PTH2R: variants seen among roughly 807,000 people sequenced by gnomAD.
PTH2R encodes parathyroid hormone 2 receptor.
A neutral mutation model predicts 60.3 loss-of-function variants in PTH2R; 59 were observed. The observed-to-expected ratio is 0.98, with a 90% confidence interval of 0.79 to 1.22. PTH2R has a LOEUF of 1.22. Among genes scored for constraint, PTH2R ranks in the 50% most tolerant of loss-of-function variants. The probability of loss-of-function intolerance (pLI) is 0.00; values close to 1 mark genes in which losing one functional copy is unlikely to be tolerated. For missense variants in PTH2R, 749 were observed against 682.6 expected (o/e 1.10, Z -1.08); for synonymous variants, 256 against 243.8 (o/e 1.05, Z -0.47).
At chr2:208,432,377 C>G (rs1701990692) in intron 2 of PTH2R, among the ~76,000 whole-genome samples, 1 of 152,064 alleles carries the variant, frequency 6.6e-6, no homozygotes, top group Admixed American at 6.6e-5. Context: ...GGTGTTTTAA[C>G]AACTATAGAA....
At chr2:208,408,740 A>AAAGAGAGAGAGAGAGAGAGAGAGAG in intron 1 of PTH2R, among the ~76,000 whole-genome samples, 1 of 123,356 alleles carries the variant, frequency 8.1e-6, no homozygotes, top group African/African-American at 3.9e-5. Context: ...GAGAGAGAGA[A>AAAGAGAGAGAGAGAGAGAGAGAGAG]AGAGAGAGAG....
intron 1 of PTH2R, among the ~76,000 whole-genome samples, chr2:208,415,039 A>G (rs1211223054): frequency 6.6e-6 from 1 of 152,210 alleles, no homozygotes; most frequent in African/African-American, 2.4e-5. Flanking sequence ...TAAACATGAT[A>G]TGGTGTCTTG....
At chr2:208,482,079 C>T (rs887336388) in intron 10 of PTH2R, among the ~76,000 whole-genome samples, 3 of 152,260 alleles carry the variant, frequency 2.0e-5, no homozygotes, top group Non-Finnish European at 2.9e-5. Context: ...CTCCAGTTAA[C>T]TATTTATTTC....
chr2:208,401,579 C>T (rs1701310232), intron 1 of PTH2R, among the ~76,000 whole-genome samples: 1 of 152,036 alleles, frequency 6.6e-6, no homozygotes, highest in African/African-American at 2.4e-5. Context: ...TCCTTTTCCT[C>T]CTCAGGGTTT....
intron 12 of PTH2R, 101 bp downstream of exon 12, chr2:208,490,781 A>T (rs1483733758): frequency 8.8e-7 from 1 of 1,134,056 alleles, no homozygotes; most frequent in African/African-American, 1.6e-5. Context: ...TCCAGGATGG[A>T]ATGGGTGAGG....
intron 1 of PTH2R, among the ~76,000 whole-genome samples, chr2:208,370,944 G>T (rs1316762856): frequency 6.6e-6 from 1 of 151,982 alleles, no homozygotes; most frequent in Non-Finnish European, 1.5e-5. Flanking sequence ...GAAGGTGAAG[G>T]GGGAGCATGC....
At chr2:208,436,692 CAG>C (rs1702081251) in intron 2 of PTH2R, among the ~76,000 whole-genome samples, 1 of 152,168 alleles carries the variant, frequency 6.6e-6, no homozygotes. Context: ...TCAGGGAACA[CAG>C]AGTGCACTGG....
intron 2 of PTH2R, among the ~76,000 whole-genome samples, chr2:208,432,078 A>G (rs1292341812): frequency 6.6e-6 from 1 of 152,212 alleles, no homozygotes; most frequent in African/African-American, 2.4e-5. Context: ...GAAATCTACT[A>G]ACAAAGAGAT....
intron 5 of PTH2R, 102 bp downstream of exon 5, chr2:208,442,563 T>A (rs1456887650): frequency 5.6e-6 from 5 of 885,120 alleles, no homozygotes. Context: ...TTTCCTCAAA[T>A]GCAAGTTTTT....
intron 1 of PTH2R, among the ~76,000 whole-genome samples, chr2:208,373,102 A>AAATG (rs1373914311): frequency 6.6e-6 from 1 of 152,078 alleles, no homozygotes; most frequent in Non-Finnish European, 1.5e-5. Context: ...ATAAATAAAT[A>AAATG]AATGAAAACT....
intron 8 of PTH2R, among the ~76,000 whole-genome samples, chr2:208,452,337 TAGTA>T (rs1467362689): frequency 1.1e-4 from 16 of 152,372 alleles, no homozygotes; most frequent in African/African-American, 3.8e-4. Context: ...AATGTACTGA[TAGTA>T]AGTGCTAAAT....
intron 7 of PTH2R, among the ~76,000 whole-genome samples, chr2:208,445,699 C>T (rs911807233): frequency 6.6e-6 from 1 of 152,084 alleles, no homozygotes; most frequent in Non-Finnish European, 1.5e-5. Flanking sequence ...TTTTTTTCCT[C>T]TCCAAAATAA....
At chr2:208,399,339 C>T (rs1193132748) in intron 1 of PTH2R, among the ~76,000 whole-genome samples, 1 of 152,150 alleles carries the variant, frequency 6.6e-6, no homozygotes, top group Non-Finnish European at 1.5e-5. Flanking sequence ...AGGACTGGCC[C>T]TTGGCTGGTT....
At chr2:208,435,666 G>T (rs1034984525) in intron 2 of PTH2R, among the ~76,000 whole-genome samples, 2 of 152,108 alleles carry the variant, frequency 1.3e-5, no homozygotes, top group Admixed American at 6.5e-5. Context: ...TGTCTGCAAG[G>T]AGCTGAATTC....
intron 1 of PTH2R, among the ~76,000 whole-genome samples, chr2:208,418,204 A>C (rs1701680640): frequency 6.6e-6 from 1 of 152,128 alleles, no homozygotes; most frequent in Non-Finnish European, 1.5e-5. Context: ...CCTATATGAC[A>C]AAAAAGAAAG....
In PTH2R at chr2:208,428,121, TAGA is replaced by T; in HGVS notation, c.76-77_76-75del. The T allele has an allele frequency of 3.9e-6, 4 of 1,037,154 alleles. No individual in the cohort carries two copies. The South Asian group carries it at 6.1e-5, about 16-fold the overall frequency. 64.2% of individuals were successfully genotyped at this position (1,037,154 alleles called of 1,614,324 possible). On this transcript the variant is annotated intron_variant, in intron 1 of 12. Coordinates refer to ENST00000272847, the MANE Select transcript of PTH2R (RefSeq NM_005048.4). ...ATATCAAACTCATTTTCAATTAGATTAGAAGGTGAAATAATGAAAGCTTGTATC... is the reference window on the plus strand; with the variant it reads ...ATATCAAACTCATTTTCAATTAGATTAGGTGAAATAATGAAAGCTTGTATC...
At chr2:208,493,148 G>A in intron 12 of PTH2R, 116 bp from the exon 13 acceptor site, 2 of 1,153,530 alleles carry the variant, frequency 1.7e-6, no homozygotes, top group Non-Finnish European at 2.3e-6. Flanking sequence ...CTGGCACGTA[G>A]AGGAACCTCA....
At chr2:208,478,672 C>A (rs1337324446) in intron 9 of PTH2R, among the ~76,000 whole-genome samples, 1 of 152,128 alleles carries the variant, frequency 6.6e-6, no homozygotes, top group East Asian at 1.9e-4. Context: ...TTTTGTTAAT[C>A]AATCCTGCTC....
At chr2:208,457,482 T>C (rs16841234) in intron 8 of PTH2R, among the ~76,000 whole-genome samples, 19,094 of 152,218 alleles carry the variant, frequency 0.13, 1,409 homozygotes, top group African/African-American at 0.19. Context: ...CACTGGAATG[T>C]GGAGCTGCTG....
Sources: gnomAD v4.1 joint callset for allele counts (sites outside exome capture counted in the v4.1 genomes callset) on GRCh38, gnomAD v4.1.1 for gene constraint, MANE v1.5 for transcripts, NCBI Gene and HGNC (gene_info 2026-07-23, HGNC 2026-07-21) for gene names.